The following SAV1 variants were observed in gnomAD, a reference collection of about 807,000 sequenced individuals.
The protein encoded by SAV1 is salvador family WW domain containing protein 1.
In SAV1, 23 loss-of-function variants were observed where a neutral mutation model predicts 47.3. That is an observed-to-expected ratio of 0.49 (90% CI 0.35 to 0.69). The LOEUF is 0.69. SAV1 is among the 30% of genes least tolerant of loss of function. SAV1 has a pLI of 0.01. For missense variants in SAV1, 448 were observed against 457.4 expected (o/e 0.98, Z 0.19); for synonymous variants, 155 against 159.2 (o/e 0.97, Z 0.20).
At position 50,635,142 on chromosome 14, in the gene SAV1, T is replaced by G; in HGVS notation, c.*41A>C. The G allele has an allele frequency of 6.7e-7, 1 of 1,484,316 alleles. No individual in the cohort carries two copies. Among genetic ancestry groups the G allele is most frequent in the Non-Finnish European group, 9.4e-7 (1 of 1,066,538 alleles). The allele number at this position is 1,484,316 out of a possible 1,614,324, so 91.9% of individuals were successfully genotyped here. A position where few individuals can be genotyped will look rare whatever the true frequency, so the allele number is the denominator to read the frequency against. On this transcript the variant is annotated 3_prime_UTR_variant, in exon 5 of 5. Transcript: ENST00000324679. ...TTGCAATTTTTTATCTGTGAAAATA[T>G]TTTAAAGCTCTTACAAAACTTAAAT...
chr14:50,638,439 T>C (rs1161638505), intron 4 of SAV1, among the ~76,000 whole-genome samples: 1 of 152,186 alleles, frequency 6.6e-6, no homozygotes, highest in East Asian at 1.9e-4. Context: ...TATATACAAA[T>C]GCCAGTTGCT....
chr14:50,651,996 A>G (rs2039773520), intron 2 of SAV1, among the ~76,000 whole-genome samples: 1 of 152,236 alleles, frequency 6.6e-6, no homozygotes. Flanking sequence ...AACTACAAAG[A>G]AATCTTCTGT....
chr14:50,665,675 C>T (rs1007336801), intron 1 of SAV1, 56 bp from the exon 2 acceptor site: 42 of 1,442,276 alleles, frequency 2.9e-5, no homozygotes, highest in African/African-American at 1.1e-4. Context: ...CAAAAGTTTT[C>T]GAAATTTGTT....
intron 2 of SAV1, among the ~76,000 whole-genome samples, chr14:50,659,087 T>A (rs1189579535): frequency 2.0e-5 from 3 of 151,568 alleles, no homozygotes; most frequent in South Asian, 4.2e-4. Flanking sequence ...TTTTTTTTTT[T>A]TTTTTTTGGT....
At chr14:50,641,957 C>T (rs948013985) in intron 3 of SAV1, among the ~76,000 whole-genome samples, 14 of 152,100 alleles carry the variant, frequency 9.2e-5, no homozygotes, top group African/African-American at 3.1e-4. Flanking sequence ...CGGTATCAAC[C>T]TAAATGCCCA....
chr14:50,640,703 G>C, intron 4 of SAV1, 47 bp downstream of exon 4: 1 of 1,563,016 alleles, frequency 6.4e-7, no homozygotes, highest in Non-Finnish European at 8.7e-7. Context: ...ACTCCATTCA[G>C]CCCTTCACTC....
chr14:50,667,490 T>C (rs1420163464), intron 1 of SAV1: 3 of 460,100 alleles, frequency 6.5e-6, no homozygotes, highest in South Asian at 3.1e-5. Context: ...ATGACGCACA[T>C]CTCGACGCAT....
chr14:50,640,138 A>C (rs939437008), intron 4 of SAV1, among the ~76,000 whole-genome samples: 2 of 152,154 alleles, frequency 1.3e-5, no homozygotes, highest in Admixed American at 6.5e-5. Flanking sequence ...CATACACCAC[A>C]GCATGCTGCT....
chr14:50,642,824 A>G (rs1001987362), intron 3 of SAV1, among the ~76,000 whole-genome samples: 1 of 152,236 alleles, frequency 6.6e-6, no homozygotes, highest in Non-Finnish European at 1.5e-5. Context: ...TTTCCTAAAT[A>G]GGTTCAAAGG....
chr14:50,647,262 A>T (rs1022591261), intron 2 of SAV1, among the ~76,000 whole-genome samples: 7 of 152,200 alleles, frequency 4.6e-5, no homozygotes, highest in Non-Finnish European at 8.8e-5. Context: ...CTCTGTCAAG[A>T]TTAAAAACGC....
chr14:50,643,082 TAGACAACC>T (rs1250666514), intron 3 of SAV1, among the ~76,000 whole-genome samples: 1 of 152,222 alleles, frequency 6.6e-6, no homozygotes, highest in Admixed American at 6.5e-5. Flanking sequence ...TGGCCTAAGA[TAGACAACC>T]AGACAACTAG....
intron 1 of SAV1, 46 bp from the exon 2 acceptor site, chr14:50,665,665 C>CA (rs745974698): frequency 1.1e-5 from 17 of 1,484,976 alleles, no homozygotes; most frequent in Non-Finnish European, 1.5e-5. Context: ...CATTAAGTAA[C>CA]AAAAGTTTTC....
In SAV1 at chr14:50,634,823, GCA is replaced by G. The variant is rs2039620149; in HGVS notation, c.*358_*359del. On this transcript the variant is annotated 3_prime_UTR_variant, in exon 5 of 5. Transcript: ENST00000324679. Reference sequence around the variant, plus strand: ...TAAACTTTTTTTTTAAAAAAATACCGCAGATTCTTTTTTTTTTTTAAAGAAGG... The same window carrying G: ...TAAACTTTTTTTTTAAAAAAATACCGGATTCTTTTTTTTTTTTAAAGAAGG... 5.8e-6 allele frequency: 1 copy of G among 171,450 alleles called. No individual in the cohort carries two copies. Among genetic ancestry groups the G allele is most frequent in the South Asian group, 1.4e-4 (1 of 7,018 alleles). The allele number at this position is 171,450 out of a possible 1,614,324, so 10.6% of individuals were successfully genotyped here.
At chr14:50,651,276 ATAT>A (rs962868837) in intron 2 of SAV1, among the ~76,000 whole-genome samples, 25 of 151,372 alleles carry the variant, frequency 1.7e-4, no homozygotes, top group African/African-American at 5.8e-4. Context: ...AAAGAGAATA[ATAT>A]GAATACATAT....
At chr14:50,662,821 T>C (rs996653448) in intron 2 of SAV1, 3 of 152,248 alleles carry the variant, frequency 2.0e-5, no homozygotes, top group Non-Finnish European at 2.9e-5. Context: ...ACAGTAAACA[T>C]AGCTATTTCT....
chr14:50,644,670 A>T, intron 3 of SAV1, 74 bp downstream of exon 3: 1 of 1,370,520 alleles, frequency 7.3e-7, no homozygotes, highest in Non-Finnish European at 9.9e-7. Flanking sequence ...ATTCTCTTAG[A>T]TGAAAATATC....
At position 50,668,048 on chromosome 14, in the gene SAV1, T is replaced by G; in HGVS notation, c.-81A>C. 2.1e-6 allele frequency: 2 copies of G among 973,516 alleles called. No individual in the cohort carries two copies. Among genetic ancestry groups the G allele is most frequent in the Non-Finnish European group, 2.7e-6 (2 of 728,602 alleles). The allele number at this position is 973,516 out of a possible 1,614,324, so 60.3% of individuals were successfully genotyped here. ...GGCGCCGGCCGTCTCCGCCGCCACC[T>G]CCGCCGGCGCCGCCGCCTCCTTCCC... is the stretch of plus-strand genomic sequence containing the variant. On this transcript the variant is annotated 5_prime_UTR_variant, in exon 1 of 5. Transcript: ENST00000324679.
intron 2 of SAV1, among the ~76,000 whole-genome samples, chr14:50,656,404 A>C (rs527373542): frequency 6.6e-6 from 1 of 151,698 alleles, no homozygotes; most frequent in South Asian, 2.1e-4. Flanking sequence ...TTTCTTAGAG[A>C]TATCTATTAA....
chr14:50,645,723 T>C (rs1036477592), intron 2 of SAV1, among the ~76,000 whole-genome samples: 1 of 151,696 alleles, frequency 6.6e-6, no homozygotes, highest in Non-Finnish European at 1.5e-5. Context: ...GATTTGACAT[T>C]TCAGCTTTAA....
Sources: gnomAD v4.1 joint callset for allele counts (sites outside exome capture counted in the v4.1 genomes callset) on GRCh38, gnomAD v4.1.1 for gene constraint, MANE v1.5 for transcripts, NCBI Gene and HGNC (gene_info 2026-07-23, HGNC 2026-07-21) for gene names.